The following ASCC3 variants were observed in gnomAD, a reference collection of about 807,000 sequenced individuals.
ASCC3 encodes the protein ASC-1 complex subunit P200.
ASCC3 carries 158 observed loss-of-function variants against 256.3 expected under a neutral mutation model. The observed-to-expected ratio is 0.62, with a 90% CI of 0.54 to 0.70. The LOEUF is 0.70. ASCC3 is among the 30% of genes least tolerant of loss of function. The probability of loss-of-function intolerance (pLI) is 0.00; values close to 1 mark genes in which losing one functional copy is unlikely to be tolerated. For missense variants in ASCC3, 2,259 were observed against 2,626.0 expected, an observed-to-expected ratio of 0.86 and a Z score of 3.05; for synonymous variants, 948 against 883.4, an observed-to-expected ratio of 1.07 and a Z score of -1.30.
At chr6:100,727,164 G>C (rs1377675453) in intron 10 of ASCC3, among the ~76,000 whole-genome samples, 3 of 151,650 alleles carry the variant, frequency 2.0e-5, no homozygotes, top group Non-Finnish European at 4.4e-5. Context: ...GTTTATCCTA[G>C]GTAAAGTGTA....
rs140655172 is a variant in ASCC3 at position 100,685,503 on chromosome 6, C to T, written c.2152-5751G>A. 1.3e-3 allele frequency among the ~76,000 whole-genome samples: 199 copies of T among 152,264 alleles called. 8 individuals are homozygous for T. The East Asian group carries it at 0.03, about 23-fold the overall frequency. On this transcript the variant is annotated intron_variant, in intron 13 of 41. Coordinates refer to ENST00000369162, the MANE Select transcript of ASCC3 (RefSeq NM_006828.4). ...TGAGTCAGAAACTCTGAGGGTGGGG[C>T]CCAGCCATTTGTTTTAACAAGCCCT...
chr6:100,733,779 C>T lies in ASCC3; in HGVS notation c.1738-8076G>A, dbSNP rs17061060. ...TCAACCTCTTGAAAGCAATTTTGTT[C>T]GTTATTTCTTAAATTAGAAAATGCA... On this transcript the variant is annotated intron_variant, in intron 10 of 41. Transcript: ENST00000369162. Among the ~76,000 whole-genome samples, 1,940 of 152,138 alleles carry T rather than the reference C, an allele frequency of 0.013. 102 individuals carry two copies. The East Asian group carries it at 0.15, about 12-fold the overall frequency.
At chr6:100,858,183 G>A (rs1773050784) in intron 3 of ASCC3, 1 of 439,324 alleles carries the variant, frequency 2.3e-6, no homozygotes, top group African/African-American at 2.1e-5. Context: ...ATAAAGATAA[G>A]TGTAATTTTT....
chr6:100,564,040 T>G (rs1582455720), intron 36 of ASCC3, among the ~76,000 whole-genome samples: 1 of 152,042 alleles, frequency 6.6e-6, no homozygotes, highest in South Asian at 2.1e-4. Context: ...CCCATCTTCT[T>G]TTTTTAATAT....
intron 1 of ASCC3, among the ~76,000 whole-genome samples, chr6:100,874,473 A>AAC (rs1456066478): frequency 6.6e-6 from 1 of 151,162 alleles, no homozygotes; most frequent in African/African-American, 2.4e-5. Context: ...TCAAAAAAAA[A>AAC]AAAAAAAAAA....
At chr6:100,657,110 C>CTATAATTTTCATTATAATG (rs1481740117) in intron 16 of ASCC3, among the ~76,000 whole-genome samples, 38 of 151,082 alleles carry the variant, frequency 2.5e-4, no homozygotes, top group African/African-American at 8.2e-4. Context: ...ATTTAGTAAT[C>CTATAATTTTCATTATAATG]TATAATTTTC....
intron 13 of ASCC3, 84 bp from the exon 14 acceptor site, chr6:100,679,836 A>G: frequency 1.4e-6 from 2 of 1,422,654 alleles, no homozygotes; most frequent in South Asian, 1.2e-5. Context: ...TTCCATATAA[A>G]CAACTATTAA....
intron 3 of ASCC3, among the ~76,000 whole-genome samples, chr6:100,852,023 G>A (rs1200967965): frequency 6.6e-6 from 1 of 152,214 alleles, no homozygotes; most frequent in African/African-American, 2.4e-5. Flanking sequence ...GTAGGCGTAA[G>A]AGACTGGCTG....
At chr6:100,759,073 A>G (rs1170901357) in intron 10 of ASCC3, among the ~76,000 whole-genome samples, 1 of 152,086 alleles carries the variant, frequency 6.6e-6, no homozygotes, top group African/African-American at 2.4e-5. Flanking sequence ...TCCTTTGCCC[A>G]CTTTTTGATG....
In ASCC3 at chr6:100,752,823, T is replaced by A. The variant is rs539963743; in HGVS notation, c.1737+13742A>T. ...TTGTTTCATTCATAATCCAGATCTC[T>A]GGTTTAAAATTAAATGGAATGTCTC... is the stretch of plus-strand genomic sequence containing the variant. On this transcript the variant is annotated intron_variant, in intron 10 of 41. Transcript: ENST00000369162. Among the ~76,000 whole-genome samples, 5 of 152,258 alleles carry A rather than the reference T, an allele frequency of 3.3e-5. 1 individual carries two copies. The South Asian group carries it at 1.0e-3, about 32-fold the overall frequency.
At chr6:100,688,019 T>A (rs1271279138) in intron 13 of ASCC3, among the ~76,000 whole-genome samples, 2 of 151,398 alleles carry the variant, frequency 1.3e-5, no homozygotes. Flanking sequence ...AAAAACCTGA[T>A]ACTACTAAAA....
chr6:100,707,424 T>C (rs1005507586), intron 13 of ASCC3, among the ~76,000 whole-genome samples: 4 of 152,096 alleles, frequency 2.6e-5, no homozygotes, highest in African/African-American at 9.6e-5. Flanking sequence ...ATCAATAAAA[T>C]GGAAGGACAA....
intron 29 of ASCC3, among the ~76,000 whole-genome samples, chr6:100,625,965 G>C (rs78461778): frequency 1.3e-3 from 198 of 152,046 alleles, no homozygotes; most frequent in African/African-American, 4.6e-3. Flanking sequence ...GGGCTGAAGA[G>C]AATACTATGC....
In ASCC3 at chr6:100,631,206, TATACCGCCTAAA is replaced by T; in HGVS notation, c.4123-5_4129del. The T allele has an allele frequency of 6.2e-7, 1 of 1,611,188 alleles. No individual in the cohort carries two copies. The highest frequency in any genetic ancestry group is 8.5e-7 in the Non-Finnish European group (1 of 1,177,810). ...TACTAGGGCTTTTAGGGGTGCAATATATACCGCCTAAAAAGGGGAGAATAGCCAAAAATACTC... is the reference window on the plus strand; with the variant it reads ...TACTAGGGCTTTTAGGGGTGCAATATAAGGGGAGAATAGCCAAAAATACTC... On this transcript the variant is annotated splice_acceptor_variant and splice_polypyrimidine_tract_variant and coding_sequence_variant and intron_variant, in exon 26 of 42. Coordinates refer to ENST00000369162, the MANE Select transcript of ASCC3 (RefSeq NM_006828.4). LOFTEE classifies it high-confidence loss of function.
In ASCC3 at chr6:100,694,404, TTGAGACAGCAG is replaced by T. The variant is rs947158972; in HGVS notation, c.2152-14663_2152-14653del. 1.2e-3 allele frequency among the ~76,000 whole-genome samples: 182 copies of T among 151,892 alleles called. 1 individual carries two copies. Among genetic ancestry groups the T allele is most frequent in the African/African-American group, 4.0e-3 (166 of 41,432 alleles). On this transcript the variant is annotated intron_variant, in intron 13 of 41. Coordinates refer to ENST00000369162, the MANE Select transcript of ASCC3 (RefSeq NM_006828.4). Reference sequence around the variant, plus strand: ...GGGAAGTGGCTTGAAGCCCAGGAGTTTGAGACAGCAGTGAGACAGCAGTGAGCTATGATCAC... The same window carrying T: ...GGGAAGTGGCTTGAAGCCCAGGAGTTTGAGACAGCAGTGAGCTATGATCAC...
intron 30 of ASCC3, among the ~76,000 whole-genome samples, chr6:100,616,061 A>G (rs1446162966): frequency 2.0e-5 from 3 of 152,230 alleles, no homozygotes; most frequent in African/African-American, 4.8e-5. Context: ...CAATTTCAAA[A>G]TCCATCTTCA....
intron 10 of ASCC3, among the ~76,000 whole-genome samples, chr6:100,758,862 C>T (rs761964857): frequency 2.0e-5 from 3 of 152,082 alleles, no homozygotes; most frequent in Admixed American, 1.3e-4. Flanking sequence ...CCACCAACAG[C>T]GTAAAAGCAT....
Position 100,768,310 on chromosome 6 carries a change from A to G in ASCC3, c.1396-965T>C, listed in dbSNP as rs183515457. On this transcript the variant is annotated intron_variant, in intron 8 of 41. Coordinates refer to ENST00000369162, the MANE Select transcript of ASCC3 (RefSeq NM_006828.4). ...CCTTTAATCAAAAAGAAACTAAGAC[A>G]CAGAGCGGTTAAATAATTTTTACCT... is the stretch of plus-strand genomic sequence containing the variant. Among the ~76,000 whole-genome samples the G allele has an allele frequency of 3.6e-4, 55 of 152,264 alleles. No homozygotes were observed. In the East Asian group the frequency reaches 5.8e-3, roughly 16 times the overall value.
intron 36 of ASCC3, among the ~76,000 whole-genome samples, chr6:100,573,260 C>A (rs1261875228): frequency 6.6e-6 from 1 of 151,976 alleles, no homozygotes; most frequent in Non-Finnish European, 1.5e-5. Context: ...TTAGTTAAAA[C>A]AGCATTTTGG....
Sources: gnomAD v4.1 joint callset for allele counts (sites outside exome capture counted in the v4.1 genomes callset) on GRCh38, gnomAD v4.1.1 for gene constraint, MANE v1.5 for transcripts, NCBI Gene and HGNC (gene_info 2026-07-23, HGNC 2026-07-21) for gene names.